The following LRCH1 variants were observed in gnomAD, a reference collection of about 807,000 sequenced individuals.
LRCH1 encodes leucine rich repeats and calponin homology domain containing 1.
Under a neutral mutation model 94.9 loss-of-function variants are expected in LRCH1, and 23 were observed. The observed-to-expected ratio is 0.24, with a 90% CI of 0.17 to 0.34. The LOEUF is 0.34. Ranked by LOEUF, LRCH1 falls within the 10% of genes least tolerant of loss-of-function variation. The pLI is 1.00. For missense variants in LRCH1, 790 were observed against 945.9 expected, an observed-to-expected ratio of 0.84 and a Z score of 2.16; for synonymous variants, 364 against 354.9, an observed-to-expected ratio of 1.03 and a Z score of -0.29.
rs1230191733 is a variant in LRCH1 at position 46,624,758 on chromosome 13, C to T, written c.308-25443C>T. ...AGTAAGGATGAAGCAAAAAGAAAAA[C>T]GATATTAACACCTTGAGAAAATCTC... On this transcript the variant is annotated intron_variant, in intron 1 of 19. Transcript: ENST00000389797. 7.2e-5 allele frequency among the ~76,000 whole-genome samples: 11 copies of T among 152,266 alleles called. No homozygotes were observed. In the South Asian group the frequency reaches 8.3e-4, roughly 11 times the overall value.
chr13:46,748,602 A>G (rs1466769810), downstream of LRCH1, among the ~76,000 whole-genome samples: 1 of 152,164 alleles, frequency 6.6e-6, no homozygotes, highest in East Asian at 1.9e-4. Flanking sequence ...CCATGCCGCA[A>G]AAGGAGGCAC....
chr13:46,622,579 C>A (rs2050893188), intron 1 of LRCH1, among the ~76,000 whole-genome samples: 1 of 152,128 alleles, frequency 6.6e-6, no homozygotes, highest in South Asian at 2.1e-4. Flanking sequence ...TAGTCCTAAA[C>A]TAGTACCACT....
Position 46,635,351 on chromosome 13 carries a change from C to T in LRCH1, c.308-14850C>T, listed in dbSNP as rs913116397. Among the ~76,000 whole-genome samples the T allele has an allele frequency of 1.1e-4, 16 of 152,290 alleles. 1 individual carries two copies. The East Asian group carries it at 3.1e-3, about 29-fold the overall frequency. On this transcript the variant is annotated intron_variant, in intron 1 of 19. Transcript: ENST00000389797. The stretch of plus-strand genomic sequence containing the variant: ...TAGAAAGAGCTTCCCTGTGTACCTG[C>T]CACCACATCTTCTCAGTTGTCTGCA...
Position 46,743,205 on chromosome 13 carries a change from T to C in LRCH1, c.*1357T>C, listed in dbSNP as rs896668596. 2.0e-6 allele frequency: 2 copies of C among 985,726 alleles called. No homozygotes were observed. Among genetic ancestry groups the C allele is most frequent in the Admixed American group, 6.1e-5 (1 of 16,272 alleles). 61.1% of individuals were successfully genotyped at this position (985,726 alleles called of 1,614,324 possible). On this transcript the variant is annotated 3_prime_UTR_variant, in exon 20 of 20. Transcript: ENST00000389797. The stretch of plus-strand genomic sequence containing the variant: ...GATGCAAACAGCTCTCATAGATGGC[T>C]ACTACGAAGAAAATCTTATTTTTCT...
At chr13:46,635,453 C>T (rs2051072776) in intron 1 of LRCH1, among the ~76,000 whole-genome samples, 1 of 148,136 alleles carries the variant, frequency 6.8e-6, no homozygotes, top group African/African-American at 2.5e-5. Flanking sequence ...TTGAAAGATC[C>T]GGTCCCCTCC....
rs781346348 is a variant in LRCH1 at position 46,669,266 on chromosome 13, G to C, written c.579+110G>C. On this transcript the variant is annotated intron_variant, in intron 3 of 19. Transcript: ENST00000389797. ...GGTTGGACAAGGTAGAGCCTCTGTT[G>C]TTTGAGGGCAGGTATATGATAAAGA... 60 of 1,281,116 alleles carry C rather than the reference G, an allele frequency of 4.7e-5. 1 individual carries two copies. The highest frequency in any genetic ancestry group is 6.4e-5 in the Non-Finnish European group (60 of 932,072). 79.4% of individuals were successfully genotyped at this position (1,281,116 alleles called of 1,614,324 possible). A position where few individuals can be genotyped will look rare whatever the true frequency, so the allele number is the denominator to read the frequency against.
At chr13:46,606,802 C>T (rs1299410947) in intron 1 of LRCH1, among the ~76,000 whole-genome samples, 2 of 152,142 alleles carry the variant, frequency 1.3e-5, no homozygotes, top group African/African-American at 2.4e-5. Flanking sequence ...GAACTCCTGA[C>T]CTCAAGTGAT....
At chr13:46,606,926 A>C (rs941635591) in intron 1 of LRCH1, among the ~76,000 whole-genome samples, 7 of 152,174 alleles carry the variant, frequency 4.6e-5, no homozygotes, top group African/African-American at 1.7e-4. Flanking sequence ...TCCATGCCAC[A>C]CAGGGCCAGG....
At chr13:46,661,930 T>C (rs756806208) in intron 2 of LRCH1, among the ~76,000 whole-genome samples, 1 of 152,156 alleles carries the variant, frequency 6.6e-6, no homozygotes, top group Non-Finnish European at 1.5e-5. Context: ...ATATATATTT[T>C]TGGCCAGGCG....
downstream of LRCH1, among the ~76,000 whole-genome samples, chr13:46,747,690 T>TGTTTTTCCTA (rs372341916): frequency 3.3e-3 from 505 of 152,308 alleles, 3 homozygotes; most frequent in African/African-American, 0.011. Flanking sequence ...GATTTGTTAG[T>TGTTTTTCCTA]GTTTTTCCTA....
At chr13:46,600,130 C>A (rs925456200) in intron 1 of LRCH1, among the ~76,000 whole-genome samples, 5 of 145,980 alleles carry the variant, frequency 3.4e-5, no homozygotes, top group African/African-American at 1.3e-4. Flanking sequence ...AGGTGATCCA[C>A]CCGCCTCAGG....
At chr13:46,620,090 G>A (rs115529555) in intron 1 of LRCH1, among the ~76,000 whole-genome samples, 274 of 152,236 alleles carry the variant, frequency 1.8e-3, no homozygotes, top group African/African-American at 6.4e-3. Context: ...GCATTTACAC[G>A]TTTCCAAATT....
chr13:46,662,704 A>T (rs191313354), intron 2 of LRCH1, among the ~76,000 whole-genome samples: 27 of 152,030 alleles, frequency 1.8e-4, no homozygotes, highest in Admixed American at 1.6e-3. Context: ...CGTTGGGGGG[A>T]ATATATATAT....
chr13:46,577,391 C>T (rs998474664), intron 1 of LRCH1, among the ~76,000 whole-genome samples: 1 of 152,228 alleles, frequency 6.6e-6, no homozygotes, highest in African/African-American at 2.4e-5. Context: ...AGCCACTGCA[C>T]CTGGCCCCCA....
chr13:46,671,979 T>C (rs988721320), intron 3 of LRCH1, among the ~76,000 whole-genome samples: 1 of 152,186 alleles, frequency 6.6e-6, no homozygotes, highest in African/African-American at 2.4e-5. Context: ...TGTTGTACAT[T>C]CTATCGGTTT....
chr13:46,637,122 A>C (rs2051101028), intron 1 of LRCH1, among the ~76,000 whole-genome samples: 1 of 152,204 alleles, frequency 6.6e-6, no homozygotes, highest in Non-Finnish European at 1.5e-5. Flanking sequence ...TCTGAGGCCA[A>C]AATTGGGAAT....
chr13:46,691,369 GTTC>G (rs1331430337), intron 7 of LRCH1, among the ~76,000 whole-genome samples: 1 of 152,202 alleles, frequency 6.6e-6, no homozygotes, highest in Non-Finnish European at 1.5e-5. Context: ...ACACAGAGCA[GTTC>G]TTTTTAACTA....
chr13:46,639,196 C>A (rs2051129451), intron 1 of LRCH1, among the ~76,000 whole-genome samples: 1 of 152,148 alleles, frequency 6.6e-6, no homozygotes, highest in African/African-American at 2.4e-5. Flanking sequence ...TGATAACATA[C>A]CAGCAAAGCA....
chr13:46,652,232 A>G (rs974563676), intron 2 of LRCH1, among the ~76,000 whole-genome samples: 2 of 151,720 alleles, frequency 1.3e-5, no homozygotes, highest in African/African-American at 2.4e-5. Context: ...GCCCGCCACC[A>G]CGCCCGGCTA....
Sources: allele counts gnomAD v4.1 joint callset (sites outside exome capture counted in the v4.1 genomes callset), GRCh38; gene constraint gnomAD v4.1.1; transcripts MANE v1.5; gene names NCBI Gene and HGNC (gene_info 2026-07-23, HGNC 2026-07-21).